Variants in TNNI1 observed in about 807,000 individuals in gnomAD.
The protein encoded by TNNI1 is troponin I1, slow skeletal type, also known as troponin I, slow skeletal muscle.
TNNI1 carries 14 observed loss-of-function variants against 26.7 expected under a neutral mutation model. The observed-to-expected ratio is 0.52, with a 90% CI of 0.35 to 0.82. The LOEUF is 0.82. TNNI1 is among the 40% of genes least tolerant of loss of function. The probability of loss-of-function intolerance (pLI) is 0.01; values close to 1 mark genes in which losing one functional copy is unlikely to be tolerated. For synonymous variants in TNNI1, 79 were observed against 98.2 expected (o/e 0.80, Z 1.16); for missense variants, 164 against 257.0 (o/e 0.64, Z 2.47).
intron 1 of TNNI1, among the ~76,000 whole-genome samples, chr1:201,418,094 G>A (rs1411576465): frequency 6.8e-6 from 1 of 147,632 alleles, no homozygotes; most frequent in African/African-American, 2.5e-5. Context: ...CCTTATGTGA[G>A]CTACAAAGCT....
chr1:201,417,746 C>T (rs1662776088), intron 2 of TNNI1, 37 bp downstream of exon 2: 1 of 1,313,478 alleles, frequency 7.6e-7, no homozygotes. Flanking sequence ...AAGGGACTTG[C>T]CTTCCTGGGG....
chr1:201,412,837 G>A (rs946597147), intron 6 of TNNI1, among the ~76,000 whole-genome samples, 195 bp downstream of exon 6: 5 of 152,224 alleles, frequency 3.3e-5, no homozygotes, highest in Admixed American at 6.5e-5. Context: ...GAGGAAGTTT[G>A]TACTTTTCAT....
At chr1:201,410,793 G>T (rs1242145161) in intron 7 of TNNI1, among the ~76,000 whole-genome samples, 1 of 152,220 alleles carries the variant, frequency 6.6e-6, no homozygotes, top group Non-Finnish European at 1.5e-5. Context: ...TGCAAATGCG[G>T]CTGCTTTTCC....
rs575476128 is a variant in TNNI1 at position 201,407,618 on chromosome 1, G to C, written c.*1635C>G. 3.9e-5 allele frequency: 6 copies of C among 152,316 alleles called. No homozygotes were observed. The South Asian group carries it at 6.2e-4, about 16-fold the overall frequency. 9.4% of individuals were successfully genotyped at this position (152,316 alleles called of 1,614,324 possible). ...GGGGACTCAGTAGGGTGGGTAGAAG[G>C]GTTGCTGCTCTGATAACTCAGCCCC... On this transcript the variant is annotated 3_prime_UTR_variant, in exon 9 of 9. Coordinates refer to ENST00000361379, the MANE Select transcript of TNNI1 (RefSeq NM_003281.4).
intron 2 of TNNI1, 120 bp from the exon 3 acceptor site, chr1:201,417,239 A>G (rs1180937721): frequency 1.6e-6 from 2 of 1,284,116 alleles, no homozygotes; most frequent in East Asian, 2.3e-5. Context: ...GGAGGGGGCC[A>G]GTGACAACAG....
chr1:201,421,651 G>A (rs1662859018), intron 1 of TNNI1, 22 bp downstream of exon 1: 3 of 152,224 alleles, frequency 2.0e-5, no homozygotes, highest in Non-Finnish European at 4.4e-5. Flanking sequence ...TACATCTGAA[G>A]TTCTGGGCTG....
At position 201,417,818 on chromosome 1, in the gene TNNI1, G is replaced by A. The variant is rs767992850; in HGVS notation, c.-19-6C>T. On this transcript the variant is annotated splice_region_variant and splice_polypyrimidine_tract_variant and intron_variant, in intron 1 of 8. Transcript: ENST00000361379. ...TGGTGGCAGTGAGACAGCACCTAGG[G>A]GGCACAGAGGAATCATTCATAAGGG... 56 of 1,312,842 alleles carry A rather than the reference G, an allele frequency of 4.3e-5. No individual in the cohort carries two copies. Among genetic ancestry groups the A allele is most frequent in the Non-Finnish European group, 5.3e-5 (54 of 1,021,672 alleles). 81.3% of individuals were successfully genotyped at this position (1,312,842 alleles called of 1,614,324 possible). A position where few individuals can be genotyped will look rare whatever the true frequency, so the allele number is the denominator to read the frequency against.
At position 201,411,382 on chromosome 1, in the gene TNNI1, G is replaced by C; in HGVS notation, c.431C>G (p.Ser144Cys). The C allele has an allele frequency of 2.5e-6, 4 of 1,613,892 alleles. No individual in the cohort carries two copies. Among genetic ancestry groups the C allele is most frequent in the South Asian group, 1.1e-5 (1 of 90,996 alleles). ...CTTCTCTGTGTCTTCCTTCTTCACA[G>C]ACTTGAGGTTGGCCCGCAGATCCAT... is the stretch of plus-strand genomic sequence containing the variant. ...VSMDLRANLKSVKKEDTEKER... is the reference protein window; with the variant it reads ...VSMDLRANLKCVKKEDTEKER... The change falls in exon 7 of 9, where the codon TCT becomes TGT. Residue 144 changes from serine to cysteine, a missense_variant. By Grantham distance (112) the Ser-to-Cys change is moderately radical. Transcript: ENST00000361379. The surrounding 1 kb of genome is among the most constrained non-coding windows in gnomAD (Gnocchi z 4.6).
Position 201,415,359 on chromosome 1 carries a change from C to T in TNNI1, c.16-105G>A, listed in dbSNP as rs1020118788. On this transcript the variant is annotated intron_variant, in intron 3 of 8. Coordinates refer to ENST00000361379, the MANE Select transcript of TNNI1 (RefSeq NM_003281.4). The stretch of plus-strand genomic sequence containing the variant: ...CCAGCCAGCGTTCTCTATCTTTATC[C>T]GGAATCCTCTGCTCACCCTACGGTG... 26 of 1,205,616 alleles carry T rather than the reference C, an allele frequency of 2.2e-5. 1 individual carries two copies. The highest frequency in any genetic ancestry group is 1.9e-4 in the Middle Eastern group (1 of 5,348). 74.7% of individuals were successfully genotyped at this position (1,205,616 alleles called of 1,614,324 possible). A position where few individuals can be genotyped will look rare whatever the true frequency, so the allele number is the denominator to read the frequency against.
At chr1:201,417,927 A>G in intron 1 of TNNI1, 115 bp from the exon 2 acceptor site, 1 of 755,328 alleles carries the variant, frequency 1.3e-6, no homozygotes, top group Non-Finnish European at 1.9e-6. Flanking sequence ...GGAAGAAATC[A>G]GACACATTGG....
At chr1:201,413,626 T>C (rs112948032) in intron 5 of TNNI1, among the ~76,000 whole-genome samples, 16 of 151,178 alleles carry the variant, frequency 1.1e-4, no homozygotes, top group Non-Finnish European at 1.6e-4. Flanking sequence ...GCACCTGTAG[T>C]CCTAGCTACT....
chr1:201,414,946 C>T (rs1662707248), intron 4 of TNNI1, among the ~76,000 whole-genome samples: 1 of 152,246 alleles, frequency 6.6e-6, no homozygotes, highest in Non-Finnish European at 1.5e-5. Context: ...GTCCCTCTGC[C>T]TGCATGAGTA....
intron 1 of TNNI1, among the ~76,000 whole-genome samples, chr1:201,420,432 C>A (rs372953042): frequency 2.0e-5 from 3 of 152,072 alleles, no homozygotes; most frequent in Admixed American, 1.3e-4. Context: ...AAATCCTCCC[C>A]CCGAGGGGGG....
Position 201,407,776 on chromosome 1 carries a change from C to G in TNNI1, c.*1477G>C, listed in dbSNP as rs145029396. 2.6e-5 allele frequency: 4 copies of G among 152,070 alleles called. No individual in the cohort carries two copies. Among genetic ancestry groups the G allele is most frequent in the Admixed American group, 2.0e-4 (3 of 15,270 alleles). 9.4% of individuals were successfully genotyped at this position (152,070 alleles called of 1,614,324 possible). A position where few individuals can be genotyped will look rare whatever the true frequency, so the allele number is the denominator to read the frequency against. ...AAGTCAGAACTTGACCGGATGTGGT[C>G]GCTCACACCTGTAATCCCAGAACTT... On this transcript the variant is annotated 3_prime_UTR_variant, in exon 9 of 9. Transcript: ENST00000361379.
In TNNI1 at chr1:201,406,372, A is replaced by G. The variant is rs1662515399; in HGVS notation, c.*2881T>C. 1 of 152,258 alleles carries G rather than the reference A, an allele frequency of 6.6e-6. No individual in the cohort carries two copies. Among genetic ancestry groups the G allele is most frequent in the African/African-American group, 2.4e-5 (1 of 41,460 alleles). 9.4% of individuals were successfully genotyped at this position (152,258 alleles called of 1,614,324 possible). On this transcript the variant is annotated 3_prime_UTR_variant, in exon 9 of 9. Transcript: ENST00000361379. ...TGTTATTAAAATAGTCGATAAGAGTATGGATTCTAACAGACTTCTTGGGTT... is the reference window on the plus strand; with the variant it reads ...TGTTATTAAAATAGTCGATAAGAGTGTGGATTCTAACAGACTTCTTGGGTT...
intron 2 of TNNI1, 147 bp downstream of exon 2, chr1:201,417,636 A>G: frequency 5.0e-6 from 3 of 601,512 alleles, no homozygotes; most frequent in Non-Finnish European, 7.6e-6. Context: ...CACAGGGGAA[A>G]CCATCAAGTG....
intron 6 of TNNI1, 139 bp downstream of exon 6, chr1:201,412,893 C>T: frequency 1.2e-6 from 1 of 805,004 alleles, no homozygotes. Context: ...GGGGCTAGGG[C>T]AGACAAACCA....
chr1:201,416,051 G>A (rs992249243), intron 3 of TNNI1, among the ~76,000 whole-genome samples: 1 of 152,074 alleles, frequency 6.6e-6, no homozygotes, highest in East Asian at 1.9e-4. Context: ...CTGTGAGCCG[G>A]CAGAGCATGG....
At chr1:201,417,952 A>C (rs1022942745) in intron 1 of TNNI1, 140 bp from the exon 2 acceptor site, 1 of 577,258 alleles carries the variant, frequency 1.7e-6, no homozygotes, top group African/African-American at 1.9e-5. Flanking sequence ...CAGCAGGTCA[A>C]GATGGGACAG....
Sources: allele counts gnomAD v4.1 joint callset (sites outside exome capture counted in the v4.1 genomes callset), GRCh38; gene constraint gnomAD v4.1.1; non-coding constraint Gnocchi (gnomAD v3.1); transcripts MANE v1.5; gene names NCBI Gene and HGNC (gene_info 2026-07-23, HGNC 2026-07-21).